Variants in FSIP1 observed in about 807,000 individuals in gnomAD.
FSIP1 encodes the protein fibrous sheath interacting protein 1, also known as fibrous sheath-interacting protein 1.
In FSIP1, 65 loss-of-function variants were observed where a neutral mutation model predicts 60.9. That is an observed-to-expected ratio of 1.07 (90% confidence interval 0.87 to 1.31). The LOEUF (loss-of-function observed/expected upper bound fraction) is 1.31. Among genes scored for constraint, FSIP1 ranks in the 40% most tolerant of loss-of-function variants. FSIP1 has a pLI of 0.00. For synonymous variants in FSIP1, 209 were observed against 221.2 expected (o/e 0.94, Z 0.49); for missense variants, 675 against 665.5 (o/e 1.01, Z -0.16).
chr15:39,617,431 A>C (rs1029844016), intron 11 of FSIP1, among the ~76,000 whole-genome samples: 2 of 152,224 alleles, frequency 1.3e-5, no homozygotes, highest in Non-Finnish European at 1.5e-5. Flanking sequence ...TTGAAATACT[A>C]AGCAAATCTA....
At chr15:39,692,863 G>T (rs1894658967) in intron 10 of FSIP1, among the ~76,000 whole-genome samples, 1 of 152,258 alleles carries the variant, frequency 6.6e-6, no homozygotes, top group South Asian at 2.1e-4. Flanking sequence ...GAAGAAAGGG[G>T]AGAAGGGGAG....
At chr15:39,712,896 A>C (rs898194497) in intron 10 of FSIP1, among the ~76,000 whole-genome samples, 1 of 140,662 alleles carries the variant, frequency 7.1e-6, no homozygotes, top group African/African-American at 2.9e-5. Flanking sequence ...TAGTAATTAC[A>C]AACAAAAAGA....
chr15:39,705,097 G>A (rs535849836), intron 10 of FSIP1, among the ~76,000 whole-genome samples: 10 of 152,272 alleles, frequency 6.6e-5, no homozygotes, highest in Admixed American at 1.3e-4. Flanking sequence ...AATGCATTTG[G>A]AATGACTAGA....
intron 10 of FSIP1, among the ~76,000 whole-genome samples, chr15:39,693,003 A>G (rs1894667038): frequency 6.6e-6 from 1 of 152,214 alleles, no homozygotes; most frequent in Admixed American, 6.5e-5. Context: ...TTATATGGTA[A>G]TTAGAGCTCT....
At chr15:39,618,276 C>A in intron 10 of FSIP1, 31 bp from the exon 11 acceptor site, 1 of 1,553,216 alleles carries the variant, frequency 6.4e-7, no homozygotes, top group South Asian at 1.2e-5. Flanking sequence ...ATTACATAGT[C>A]AGTTGACTGA....
Position 39,768,662 on chromosome 15 carries a change from C to G in FSIP1, c.310+1765G>C, listed in dbSNP as rs1320700971. On this transcript the variant is annotated intron_variant, in intron 3 of 11. Transcript: ENST00000350221. ...CTAAAGTATATGCAGAAAATTTGGC[C>G]TCACACAGACAAGTGGTTAAAACAG... 3.3e-5 allele frequency among the ~76,000 whole-genome samples: 5 copies of G among 152,160 alleles called. No individual in the cohort carries two copies. The South Asian group carries it at 1.0e-3, about 31-fold the overall frequency.
intron 3 of FSIP1, among the ~76,000 whole-genome samples, chr15:39,768,777 A>C (rs1487983274): frequency 6.6e-6 from 1 of 152,258 alleles, no homozygotes; most frequent in African/African-American, 2.4e-5. Context: ...CCTACAGGTT[A>C]ACTGTTAAGT....
intron 10 of FSIP1, among the ~76,000 whole-genome samples, chr15:39,630,696 C>T (rs1293027031): frequency 6.6e-6 from 1 of 152,130 alleles, no homozygotes; most frequent in Non-Finnish European, 1.5e-5. Context: ...TGGTCCAGGG[C>T]CCAGAACTAA....
intron 11 of FSIP1, among the ~76,000 whole-genome samples, chr15:39,609,796 C>T (rs1402620602): frequency 6.6e-6 from 1 of 152,212 alleles, no homozygotes; most frequent in African/African-American, 2.4e-5. Context: ...CCAGTAGCTC[C>T]ACCTTAACTG....
chr15:39,726,447 A>G (rs559129754), intron 9 of FSIP1, 142 bp downstream of exon 9: 1 of 744,146 alleles, frequency 1.3e-6, no homozygotes, highest in African/African-American at 1.8e-5. Flanking sequence ...GTGAGTAGAA[A>G]GTGGAAGTAA....
intron 10 of FSIP1, among the ~76,000 whole-genome samples, chr15:39,638,580 A>G (rs1892226585): frequency 6.6e-6 from 1 of 152,226 alleles, no homozygotes; most frequent in Non-Finnish European, 1.5e-5. Flanking sequence ...AGAGTATTAT[A>G]TAAGTATTTT....
intron 10 of FSIP1, among the ~76,000 whole-genome samples, chr15:39,632,662 G>A (rs766854232): frequency 3.9e-5 from 6 of 152,056 alleles, no homozygotes; most frequent in Non-Finnish European, 5.9e-5. Context: ...GCATGGTGAC[G>A]TGTGCCTGTA....
At chr15:39,609,398 CCA>C (rs1165657383) in intron 11 of FSIP1, among the ~76,000 whole-genome samples, 3 of 152,188 alleles carry the variant, frequency 2.0e-5, no homozygotes, top group Non-Finnish European at 4.4e-5. Context: ...GCAACGGGCC[CCA>C]CCCAACCCCA....
intron 8 of FSIP1, among the ~76,000 whole-genome samples, chr15:39,737,113 C>G (rs907992986): frequency 5.9e-5 from 9 of 152,112 alleles, no homozygotes; most frequent in African/African-American, 2.2e-4. Flanking sequence ...TACAATAGAG[C>G]TAAGTGCTTC....
intron 10 of FSIP1, among the ~76,000 whole-genome samples, chr15:39,625,528 G>A (rs960998560): frequency 5.3e-5 from 8 of 152,222 alleles, no homozygotes; most frequent in Admixed American, 6.5e-5. Flanking sequence ...TTTTCATTTT[G>A]TGGGACAATT....
intron 10 of FSIP1, among the ~76,000 whole-genome samples, chr15:39,709,385 T>G (rs769830171): frequency 6.6e-6 from 1 of 152,224 alleles, no homozygotes; most frequent in Non-Finnish European, 1.5e-5. Context: ...ATTTTGTATA[T>G]AGAAAAGACA....
chr15:39,706,168 T>G (rs563363156), intron 10 of FSIP1, among the ~76,000 whole-genome samples: 11 of 152,326 alleles, frequency 7.2e-5, no homozygotes, highest in Non-Finnish European at 2.9e-5. Context: ...GGTTGGTTGT[T>G]TGGTTTCCTC....
At chr15:39,624,945 A>C (rs1891577931) in intron 10 of FSIP1, among the ~76,000 whole-genome samples, 1 of 152,236 alleles carries the variant, frequency 6.6e-6, no homozygotes, top group African/African-American at 2.4e-5. Context: ...GTCAGCAGCC[A>C]GGAGGCTCAG....
At chr15:39,680,408 C>G (rs1396455332) in intron 10 of FSIP1, among the ~76,000 whole-genome samples, 1 of 152,208 alleles carries the variant, frequency 6.6e-6, no homozygotes, top group Non-Finnish European at 1.5e-5. Context: ...ATCATAATTT[C>G]TAGTTGCCCA....
Sources: gnomAD v4.1 joint callset for allele counts (sites outside exome capture counted in the v4.1 genomes callset) on GRCh38, gnomAD v4.1.1 for gene constraint, MANE v1.5 for transcripts, NCBI Gene and HGNC (gene_info 2026-07-23, HGNC 2026-07-21) for gene names.